Variants in PLXDC2 observed in about 807,000 individuals in gnomAD.
The protein encoded by PLXDC2 is plexin domain containing 2.
In PLXDC2, 40 loss-of-function variants were observed where a neutral mutation model predicts 68.9. The observed-to-expected ratio is 0.58, with a 90% CI of 0.45 to 0.76. The LOEUF is 0.76. Among genes scored for constraint, PLXDC2 ranks in the 30% least tolerant of loss-of-function variants. The pLI is 0.00. For missense variants in PLXDC2, 644 were observed against 661.9 expected (o/e 0.97, Z 0.30); for synonymous variants, 243 against 234.2 (o/e 1.04, Z -0.34).
intron 13 of PLXDC2, among the ~76,000 whole-genome samples, chr10:20,253,314 A>C (rs1373954777): frequency 6.6e-6 from 1 of 151,306 alleles, no homozygotes; most frequent in Non-Finnish European, 1.5e-5. Context: ...GCAGTGAGCC[A>C]AGATCACGCC....
chr10:19,838,304 A>G (rs908825798), intron 1 of PLXDC2, among the ~76,000 whole-genome samples: 24 of 152,180 alleles, frequency 1.6e-4, no homozygotes, highest in African/African-American at 5.8e-4. Context: ...GTTTCTAAAT[A>G]TTCACTTGTA....
chr10:19,856,060 A>G (rs1013894253), intron 1 of PLXDC2, among the ~76,000 whole-genome samples: 1 of 152,192 alleles, frequency 6.6e-6, no homozygotes, highest in African/African-American at 2.4e-5. Flanking sequence ...GTGCCACTGC[A>G]CTCCAGGCTG....
intron 1 of PLXDC2, among the ~76,000 whole-genome samples, chr10:19,949,695 G>A (rs895498069): frequency 3.9e-5 from 6 of 152,190 alleles, no homozygotes; most frequent in Non-Finnish European, 8.8e-5. Context: ...ACTTCTGTAA[G>A]TGGGTCTACA....
At chr10:20,257,016 A>G (rs1187227874) in intron 13 of PLXDC2, among the ~76,000 whole-genome samples, 1 of 152,212 alleles carries the variant, frequency 6.6e-6, no homozygotes, top group Non-Finnish European at 1.5e-5. Context: ...CTGACTAAGA[A>G]CAGTAAAGAC....
chr10:20,272,977 G>C (rs1326496593), intron 13 of PLXDC2, among the ~76,000 whole-genome samples: 1 of 152,134 alleles, frequency 6.6e-6, no homozygotes, highest in East Asian at 1.9e-4. Context: ...AGTTAATCCG[G>C]GTTTGGAATC....
chr10:20,094,897 T>A (rs1472181072), intron 4 of PLXDC2, among the ~76,000 whole-genome samples: 1 of 152,188 alleles, frequency 6.6e-6, no homozygotes, highest in Non-Finnish European at 1.5e-5. Context: ...TATTTCTTCA[T>A]TGATTCAAGA....
Position 19,939,223 on chromosome 10 carries a change from C to T in PLXDC2, c.113-62552C>T, listed in dbSNP as rs146648816. On this transcript the variant is annotated intron_variant, in intron 1 of 13. Transcript: ENST00000377252. Reference sequence around the variant, plus strand: ...TCCCCTCTGGGATATCTGTGTTGTGCTTCATAAATTAATGAAACAGCCATT... The same window carrying T: ...TCCCCTCTGGGATATCTGTGTTGTGTTTCATAAATTAATGAAACAGCCATT... Among the ~76,000 whole-genome samples the T allele has an allele frequency of 7.7e-4, 117 of 152,248 alleles. 1 individual carries two copies. Among genetic ancestry groups the T allele is most frequent in the African/African-American group, 2.7e-3 (111 of 41,558 alleles).
intron 7 of PLXDC2, among the ~76,000 whole-genome samples, chr10:20,174,006 C>A (rs1327527293): frequency 6.6e-6 from 1 of 152,162 alleles, no homozygotes; most frequent in African/African-American, 2.4e-5. Context: ...CACACTTTCT[C>A]TTTACTCCAT....
rs527989502 is a variant in PLXDC2, at chr10:20,140,053, C to G, written c.542-3242C>G. Among the ~76,000 whole-genome samples, 13 of 152,260 alleles carry G rather than the reference C, an allele frequency of 8.5e-5. No homozygotes were observed. The South Asian group carries it at 2.7e-3, about 32-fold the overall frequency. On this transcript the variant is annotated intron_variant, in intron 4 of 13. Transcript: ENST00000377252. Reference sequence around the variant, plus strand: ...TGGTGGCACACGCCTGTAATCCCAGCACTTTGGGAGGCCGAGGCAGACAGA... The same window carrying G: ...TGGTGGCACACGCCTGTAATCCCAGGACTTTGGGAGGCCGAGGCAGACAGA...
chr10:20,057,346 G>A (rs1308100090), intron 3 of PLXDC2, among the ~76,000 whole-genome samples: 1 of 152,032 alleles, frequency 6.6e-6, no homozygotes, highest in Non-Finnish European at 1.5e-5. Context: ...GTTTTCCTGG[G>A]TAGGTTAGTA....
intron 4 of PLXDC2, among the ~76,000 whole-genome samples, chr10:20,120,679 T>C (rs2131759929): frequency 6.6e-6 from 1 of 152,212 alleles, no homozygotes; most frequent in Non-Finnish European, 1.5e-5. Flanking sequence ...GTAAAGCTAA[T>C]TTGCCAGTCC....
chr10:19,961,362 C>G (rs944829061), intron 1 of PLXDC2, among the ~76,000 whole-genome samples: 2 of 152,228 alleles, frequency 1.3e-5, no homozygotes, highest in Non-Finnish European at 2.9e-5. Context: ...CTGTGGAGCT[C>G]TAAGCACATC....
intron 1 of PLXDC2, among the ~76,000 whole-genome samples, chr10:19,828,295 T>C (rs1244270506): frequency 6.6e-6 from 1 of 152,230 alleles, no homozygotes; most frequent in Non-Finnish European, 1.5e-5. Flanking sequence ...TTCGATCCCA[T>C]TGGAGATTTA....
intron 2 of PLXDC2, among the ~76,000 whole-genome samples, chr10:20,044,234 TTTCTTTCTTTCTTTC>T (rs1835749637): frequency 1.1e-5 from 1 of 90,838 alleles, no homozygotes; most frequent in Non-Finnish European, 2.1e-5. Context: ...TCTTTCTTTC[TTTCTTTCTTTCTTTC>T]TTTCTTTCTT....
At chr10:20,059,209 C>T (rs918755147) in intron 3 of PLXDC2, among the ~76,000 whole-genome samples, 1 of 152,140 alleles carries the variant, frequency 6.6e-6, no homozygotes, top group Non-Finnish European at 1.5e-5. Context: ...TCACCCAAAC[C>T]CCATGTTTCC....
intron 4 of PLXDC2, among the ~76,000 whole-genome samples, chr10:20,118,086 A>T (rs1201341591): frequency 6.7e-6 from 1 of 149,256 alleles, no homozygotes; most frequent in African/African-American, 2.5e-5. Context: ...GTCTGTATAT[A>T]CATGCATCCA....
intron 1 of PLXDC2, among the ~76,000 whole-genome samples, chr10:19,868,060 G>A (rs1330526146): frequency 2.6e-5 from 4 of 152,076 alleles, no homozygotes; most frequent in African/African-American, 9.7e-5. Flanking sequence ...AATGTGATAC[G>A]TGGCTTTGTA....
At chr10:19,955,292 C>G (rs371628664) in intron 1 of PLXDC2, among the ~76,000 whole-genome samples, 14 of 151,908 alleles carry the variant, frequency 9.2e-5, no homozygotes, top group African/African-American at 3.4e-4. Context: ...CATAGCCTCC[C>G]AAACTGCTGA....
intron 4 of PLXDC2, among the ~76,000 whole-genome samples, chr10:20,096,377 A>G (rs1233709646): frequency 1.3e-5 from 2 of 152,112 alleles, no homozygotes; most frequent in African/African-American, 2.4e-5. Flanking sequence ...GAAAATTGGG[A>G]TAAAAATAGA....
Sources: gnomAD v4.1 joint callset for allele counts (sites outside exome capture counted in the v4.1 genomes callset) on GRCh38, gnomAD v4.1.1 for gene constraint, MANE v1.5 for transcripts, NCBI Gene and HGNC (gene_info 2026-07-23, HGNC 2026-07-21) for gene names.